The following UACA variants were observed in gnomAD, a reference collection of about 807,000 sequenced individuals.
UACA encodes the protein uveal autoantigen with coiled-coil domains and ankyrin repeats.
A neutral mutation model predicts 160.5 loss-of-function variants in UACA; 112 were observed. The observed-to-expected ratio is 0.70, with a 90% CI of 0.60 to 0.82. The LOEUF is 0.82. UACA is among the 40% of genes least tolerant of loss of function. The pLI, the probability that UACA is intolerant of heterozygous loss-of-function variation, is 0.00. For missense variants in UACA, 1,574 were observed against 1,614.6 expected, an observed-to-expected ratio of 0.97 and a Z score of 0.43; for synonymous variants, 557 against 568.4, an observed-to-expected ratio of 0.98 and a Z score of 0.29.
chr15:70,696,175 A>G (rs1484525051), intron 2 of UACA, among the ~76,000 whole-genome samples: 1 of 152,168 alleles, frequency 6.6e-6, no homozygotes, highest in African/African-American at 2.4e-5. Flanking sequence ...CACACCATTA[A>G]AATTTTTTAC....
At chr15:70,670,230 T>C (rs940025186) in intron 15 of UACA, among the ~76,000 whole-genome samples, 1 of 152,114 alleles carries the variant, frequency 6.6e-6, no homozygotes, top group African/African-American at 2.4e-5. Flanking sequence ...AGCATTTGAC[T>C]GGTAAAGGAA....
In UACA at chr15:70,687,529, A is replaced by G; in HGVS notation, c.602+11T>C. The G allele has an allele frequency of 3.7e-6, 6 of 1,612,744 alleles. No homozygotes were observed. Among genetic ancestry groups the G allele is most frequent in the Non-Finnish European group, 5.1e-6 (6 of 1,178,864 alleles). ...CCAGCTGGTATCTGGGAGCCATGAT[A>G]AAAGAATTACCTGTTTTGTTTGTCT... On this transcript the variant is annotated intron_variant, in intron 7 of 18. Coordinates refer to ENST00000322954, the MANE Select transcript of UACA (RefSeq NM_018003.4).
At chr15:70,660,887 T>C (rs1162795817) in intron 17 of UACA, 2 of 152,210 alleles carry the variant, frequency 1.3e-5, no homozygotes, top group East Asian at 1.9e-4. Context: ...TTGTTATTAA[T>C]CTCTTACTGT....
intron 1 of UACA, among the ~76,000 whole-genome samples, chr15:70,720,258 T>C (rs987620814): frequency 2.0e-5 from 3 of 152,208 alleles, no homozygotes; most frequent in African/African-American, 7.2e-5. Context: ...GTGAGCCAAT[T>C]AAACCTCTTT....
At chr15:70,676,751 C>A (rs1286779419) in intron 12 of UACA, among the ~76,000 whole-genome samples, 160 bp from the exon 13 acceptor site, 1 of 152,132 alleles carries the variant, frequency 6.6e-6, no homozygotes, top group South Asian at 2.1e-4. Context: ...ATAATTTCTA[C>A]AAATATACTA....
At chr15:70,661,144 A>G (rs541626765) in intron 17 of UACA, 1 of 152,122 alleles carries the variant, frequency 6.6e-6, no homozygotes, top group Non-Finnish European at 1.5e-5. Flanking sequence ...AAGAGCCTCT[A>G]CTTTCCTTTC....
At chr15:70,700,997 CACTA>C (rs1409093714) in intron 1 of UACA, among the ~76,000 whole-genome samples, 10 of 151,986 alleles carry the variant, frequency 6.6e-5, no homozygotes, top group Non-Finnish European at 1.0e-4. Flanking sequence ...AAATCACCAT[CACTA>C]ACTTTCTTGT....
chr15:70,699,538 T>C lies in UACA; in HGVS notation c.201A>G (p.Glu67=), dbSNP rs1442593483. 3.1e-6 allele frequency: 5 copies of C among 1,611,220 alleles called. No homozygotes were observed. The highest frequency in any genetic ancestry group is 4.2e-6 in the Non-Finnish European group (5 of 1,179,256). ...KGVNPGKLDV[E]GRSVFHVVTS... is the part of the protein sequence containing the mutation. ...TCAATAATACTTACACAGATCTGCCTTCCACATCTAGTTTGCCTGGATTGA... is the reference window on the plus strand; with the variant it reads ...TCAATAATACTTACACAGATCTGCCCTCCACATCTAGTTTGCCTGGATTGA... The change falls in exon 2 of 19, where the codon GAA becomes GAG. Residue 67 remains glutamate, a synonymous_variant. Transcript: ENST00000322954.
upstream of UACA, among the ~76,000 whole-genome samples, chr15:70,765,602 C>T (rs963216598): frequency 5.9e-5 from 9 of 152,184 alleles, no homozygotes; most frequent in Non-Finnish European, 1.0e-4. Flanking sequence ...GAATAACTGA[C>T]ATATATTTGA....
At chr15:70,725,104 C>T (rs1027868277) in intron 1 of UACA, among the ~76,000 whole-genome samples, 17 of 151,740 alleles carry the variant, frequency 1.1e-4, no homozygotes, top group African/African-American at 3.4e-4. Flanking sequence ...AAAAAATCTT[C>T]GTTTGATGGA....
At chr15:70,697,002 A>G (rs760306692) in intron 2 of UACA, among the ~76,000 whole-genome samples, 13 of 152,228 alleles carry the variant, frequency 8.5e-5, no homozygotes, top group Non-Finnish European at 1.6e-4. Context: ...AAACATGCAA[A>G]GAATTGTATA....
chr15:70,752,220 C>G (rs928525438), intron 1 of UACA, among the ~76,000 whole-genome samples: 1 of 124,284 alleles, frequency 8.0e-6, no homozygotes, highest in Admixed American at 9.9e-5. Flanking sequence ...CCTGGGGCAA[C>G]GAGAGCAAAA....
chr15:70,777,675 A>T, the UACA span, among the ~76,000 whole-genome samples: 1 of 152,192 alleles, frequency 6.6e-6, no homozygotes, highest in African/African-American at 2.4e-5. Flanking sequence ...ATTTAGCATG[A>T]TGGAAGCCAT....
intron 12 of UACA, 123 bp from the exon 13 acceptor site, chr15:70,676,714 G>A: frequency 1.4e-6 from 1 of 706,128 alleles, no homozygotes; most frequent in South Asian, 2.0e-5. Flanking sequence ...TCTCCAACCT[G>A]GTGAACTTTA....
chr15:70,656,914 T>TA lies in UACA; in HGVS notation c.*141_*142insT. On this transcript the variant is annotated 3_prime_UTR_variant, in exon 19 of 19. Coordinates refer to ENST00000322954, the MANE Select transcript of UACA (RefSeq NM_018003.4). The stretch of plus-strand genomic sequence containing the variant: ...AAAAGACTAACATATTCATCTAATT[T>TA]TAAAAAAAAACCTACCAATAGAACA... 5 of 532,450 alleles carry TA rather than the reference T, an allele frequency of 9.4e-6. No individual in the cohort carries two copies. Among genetic ancestry groups the TA allele is most frequent in the South Asian group, 4.1e-5 (1 of 24,204 alleles). The allele number at this position is 532,450 out of a possible 1,614,324, so 33.0% of individuals were successfully genotyped here.
intron 13 of UACA, among the ~76,000 whole-genome samples, chr15:70,675,791 T>A (rs923162166): frequency 6.6e-6 from 1 of 152,142 alleles, no homozygotes; most frequent in Non-Finnish European, 1.5e-5. Flanking sequence ...ATTCCCACTG[T>A]GGTGGTATTA....
At position 70,669,260 on chromosome 15, in the gene UACA, T is replaced by C. The variant is rs867253624; in HGVS notation, c.1424A>G (p.Lys475Arg). Residue 475 changes from lysine to arginine, a missense_variant, in exon 16 of 19, where the codon AAA becomes AGA. By Grantham distance (26) the Lys-to-Arg change is conservative. Transcript: ENST00000322954. ...CCTTTCACATTCTAATGCTAAAGCT[T>C]TGCATTCTGCCACTTTGTGTGCCAG... Reference protein sequence around the residue: ...NELAHKVAECKALALECERVK... With the variant: ...NELAHKVAECRALALECERVK... 6.8e-6 allele frequency: 11 copies of C among 1,614,004 alleles called. No homozygotes were observed. Among genetic ancestry groups the C allele is most frequent in the African/African-American group, 4.0e-5 (3 of 74,932 alleles).
chr15:70,664,260 G>C (rs1200255515), intron 17 of UACA, among the ~76,000 whole-genome samples: 1 of 152,058 alleles, frequency 6.6e-6, no homozygotes, highest in East Asian at 1.9e-4. Flanking sequence ...TAGTTTAGTG[G>C]ACCAATATTT....
At chr15:70,697,478 A>G (rs1898171602) in intron 2 of UACA, among the ~76,000 whole-genome samples, 1 of 152,256 alleles carries the variant, frequency 6.6e-6, no homozygotes, top group Non-Finnish European at 1.5e-5. Context: ...GCGAACAGAA[A>G]GAAAACAGAT....
Sources: gnomAD v4.1 joint callset for allele counts (sites outside exome capture counted in the v4.1 genomes callset) on GRCh38, gnomAD v4.1.1 for gene constraint, MANE v1.5 for transcripts, NCBI Gene and HGNC (gene_info 2026-07-23, HGNC 2026-07-21) for gene names.